Variants in PDIA5 observed in about 807,000 individuals in gnomAD.
PDIA5 encodes protein disulfide isomerase family A member 5.
A neutral mutation model predicts 77.6 loss-of-function variants in PDIA5; 58 were observed. That is an observed-to-expected ratio of 0.75 (90% CI 0.61 to 0.93). PDIA5 has a LOEUF of 0.93. Ranked by LOEUF, PDIA5 falls within the 40% of genes least tolerant of loss-of-function variation. The pLI, the probability that PDIA5 is intolerant of heterozygous loss-of-function variation, is 0.00. For missense variants in PDIA5, 630 were observed against 647.7 expected, an observed-to-expected ratio of 0.97 and a Z score of 0.30; for synonymous variants, 250 against 252.1, an observed-to-expected ratio of 0.99 and a Z score of 0.08.
At chr3:123,160,088 A>G (rs1184092646) in intron 15 of PDIA5, among the ~76,000 whole-genome samples, 1 of 152,244 alleles carries the variant, frequency 6.6e-6, no homozygotes, top group Non-Finnish European at 1.5e-5. Context: ...GACGCTTGAT[A>G]ACTGGACTTT....
chr3:123,089,780 G>A (rs1159355359), intron 2 of PDIA5, among the ~76,000 whole-genome samples: 2 of 152,242 alleles, frequency 1.3e-5, no homozygotes, highest in Non-Finnish European at 2.9e-5. Flanking sequence ...CATCTGTCCT[G>A]CTCTGGGGTC....
chr3:123,152,062 TGC>T, intron 14 of PDIA5, among the ~76,000 whole-genome samples: 4 of 138,048 alleles, frequency 2.9e-5, no homozygotes, highest in East Asian at 2.1e-4. Context: ...CCTTCCTTCC[TGC>T]CTGCCTTTCT....
chr3:123,116,432 T>A (rs1934999966), intron 8 of PDIA5, 134 bp downstream of exon 8: 2 of 682,084 alleles, frequency 2.9e-6, no homozygotes, highest in Non-Finnish European at 5.1e-6. Context: ...CGTTGCTGAA[T>A]CGCAGCCTTG....
chr3:123,134,856 G>A (rs1165505995), intron 11 of PDIA5, among the ~76,000 whole-genome samples: 1 of 152,286 alleles, frequency 6.6e-6, no homozygotes, highest in Non-Finnish European at 1.5e-5. Flanking sequence ...AGGACAGGCC[G>A]AGTGTGAGCA....
chr3:123,145,951 C>T, intron 12 of PDIA5, 148 bp from the exon 13 acceptor site: 1 of 709,556 alleles, frequency 1.4e-6, no homozygotes, highest in South Asian at 1.8e-5. Flanking sequence ...TCAGTTGTTC[C>T]CTGGGATATG....
chr3:123,081,521 A>G (rs995982655), intron 1 of PDIA5, among the ~76,000 whole-genome samples: 6 of 152,208 alleles, frequency 3.9e-5, no homozygotes, highest in Non-Finnish European at 8.8e-5. Context: ...AGATTCTGAC[A>G]TTTAAAAACT....
At chr3:123,074,575 G>A (rs1168911116) in intron 1 of PDIA5, among the ~76,000 whole-genome samples, 5 of 152,294 alleles carry the variant, frequency 3.3e-5, no homozygotes, top group Non-Finnish European at 7.4e-5. Context: ...GTACAAGCTT[G>A]ATAACTTCTA....
At chr3:123,094,412 T>C (rs752664185) in intron 3 of PDIA5, among the ~76,000 whole-genome samples, 4 of 152,236 alleles carry the variant, frequency 2.6e-5, no homozygotes, top group Non-Finnish European at 5.9e-5. Flanking sequence ...CTGTGGCCCA[T>C]GTAGGCCACT....
chr3:123,086,811 T>C (rs1934151147), intron 1 of PDIA5, among the ~76,000 whole-genome samples: 1 of 152,240 alleles, frequency 6.6e-6, no homozygotes, highest in Non-Finnish European at 1.5e-5. Context: ...CCAGTATCTT[T>C]CTGAGAAAGG....
At chr3:123,110,423 G>A (rs1934833108) in intron 6 of PDIA5, among the ~76,000 whole-genome samples, 1 of 152,170 alleles carries the variant, frequency 6.6e-6, no homozygotes, top group South Asian at 2.1e-4. Flanking sequence ...AGATTAGCGA[G>A]AGATTAGTGG....
At chr3:123,125,208 A>G (rs1935215375) in intron 10 of PDIA5, among the ~76,000 whole-genome samples, 1 of 152,224 alleles carries the variant, frequency 6.6e-6, no homozygotes, top group African/African-American at 2.4e-5. Flanking sequence ...CTTACCAGCC[A>G]CTGCTGCTTC....
chr3:123,096,161 A>T (rs1055162414), intron 3 of PDIA5, among the ~76,000 whole-genome samples: 19 of 151,184 alleles, frequency 1.3e-4, no homozygotes, highest in Admixed American at 1.2e-3. Flanking sequence ...CCTTTTCCCA[A>T]TCCTGAGTCC....
intron 2 of PDIA5, among the ~76,000 whole-genome samples, chr3:123,090,209 G>A (rs1425251433): frequency 2.0e-5 from 3 of 152,188 alleles, no homozygotes; most frequent in African/African-American, 4.8e-5. Flanking sequence ...TCCCCTTCTG[G>A]CACACATGCC....
intron 1 of PDIA5, among the ~76,000 whole-genome samples, chr3:123,077,934 C>T (rs575563316): frequency 3.3e-4 from 50 of 151,928 alleles, no homozygotes; most frequent in African/African-American, 1.0e-3. Flanking sequence ...CTCAGCCTCC[C>T]GAGTAGCTGG....
intron 3 of PDIA5, among the ~76,000 whole-genome samples, chr3:123,093,046 G>A (rs1325278083): frequency 6.6e-6 from 1 of 152,168 alleles, no homozygotes; most frequent in East Asian, 1.9e-4. Context: ...AGCTTTTATG[G>A]CACCCACTCC....
At chr3:123,072,508 C>T (rs1428695933) in intron 1 of PDIA5, among the ~76,000 whole-genome samples, 6 of 152,118 alleles carry the variant, frequency 3.9e-5, no homozygotes, top group African/African-American at 7.2e-5. Context: ...ATGCCAGGTA[C>T]GGGTACCCCT....
rs529531467 is a variant in PDIA5, at chr3:123,131,499, A to G, written c.910+883A>G. Among the ~76,000 whole-genome samples the G allele has an allele frequency of 7.3e-4, 110 of 150,522 alleles. 1 individual carries two copies. Among genetic ancestry groups the G allele is most frequent in the Non-Finnish European group, 4.3e-4 (29 of 67,714 alleles). ...TTATCTAGGGCAGTAGTCACCTCTT[A>G]CCTTACAAGTGGTCGCGGGCTGAGG... On this transcript the variant is annotated intron_variant, in intron 11 of 16. Coordinates refer to ENST00000316218, the MANE Select transcript of PDIA5 (RefSeq NM_006810.4).
chr3:123,161,629 G>A, intron 16 of PDIA5, 174 bp downstream of exon 16: 1 of 713,282 alleles, frequency 1.4e-6, no homozygotes, highest in Non-Finnish European at 2.3e-6. Flanking sequence ...TGTTGGAGGA[G>A]AGTCCCAAGG....
chr3:123,136,360 C>T (rs889222910), intron 11 of PDIA5, among the ~76,000 whole-genome samples: 4 of 152,200 alleles, frequency 2.6e-5, no homozygotes, highest in East Asian at 1.9e-4. Context: ...TCACTCTCCA[C>T]GCCGTGCCCC....
Sources: gnomAD v4.1 joint callset for allele counts (sites outside exome capture counted in the v4.1 genomes callset) on GRCh38, gnomAD v4.1.1 for gene constraint, MANE v1.5 for transcripts, NCBI Gene and HGNC (gene_info 2026-07-23, HGNC 2026-07-21) for gene names.